Variants in CACNA1S observed in about 807,000 individuals in gnomAD.
CACNA1S encodes voltage-dependent L-type calcium channel subunit alpha-1S.
In CACNA1S, 126 loss-of-function variants were observed where a neutral mutation model predicts 207.4. That is an observed-to-expected ratio of 0.61 (90% confidence interval 0.53 to 0.70). The LOEUF (loss-of-function observed/expected upper bound fraction) is 0.70, where lower values mean the gene tolerates loss of function less well. Among genes scored for constraint, CACNA1S ranks in the 30% least tolerant of loss-of-function variants. CACNA1S has a pLI of 0.00. For missense variants in CACNA1S, 2,349 were observed against 2,422.8 expected (o/e 0.97, Z 0.64); for synonymous variants, 960 against 932.7 (o/e 1.03, Z -0.53).
rs371992281 is a variant in CACNA1S at position 201,073,316 on chromosome 1, C to T, written c.2157+233G>A. On this transcript the variant is annotated intron_variant, in intron 15 of 43. Coordinates refer to ENST00000362061, the MANE Select transcript of CACNA1S (RefSeq NM_000069.3). The stretch of plus-strand genomic sequence containing the variant: ...CTTGGTCTGGAGTGGGAAGCTGCTA[C>T]GCTGGAGAAGTCTGGTTCCCAGATT... 3.5e-3 allele frequency among the ~76,000 whole-genome samples: 517 copies of T among 147,730 alleles called. 1 individual carries two copies. Among genetic ancestry groups the T allele is most frequent in the African/African-American group, 0.012 (485 of 40,704 alleles).
chr1:201,106,136 A>G (rs951716938), intron 2 of CACNA1S, among the ~76,000 whole-genome samples: 1 of 150,958 alleles, frequency 6.6e-6, no homozygotes, highest in Non-Finnish European at 1.5e-5. Flanking sequence ...CTGACCCCCA[A>G]GTGTCATCCT....
In CACNA1S at chr1:201,087,840, C is replaced by T. The variant is rs779649609; in HGVS notation, c.990G>A (p.Leu330=). ...LGSFFILNLV[L]GVLSGEFTKE... ...GAATTTCTTACCCACTCAGGACACC[C>T]AGCACCAGGTTGAGGATGAAGAAGG... The change falls in exon 7 of 44, where the codon CTG becomes CTA. Residue 330 remains leucine (L), a synonymous_variant. Coordinates refer to ENST00000362061, the MANE Select transcript of CACNA1S (RefSeq NM_000069.3). 1 of 1,612,666 alleles carries T rather than the reference C, an allele frequency of 6.2e-7. No homozygotes were observed. The highest frequency in any genetic ancestry group is 8.5e-7 in the Non-Finnish European group (1 of 1,178,734).
At chr1:201,067,027 A>G (rs1661272961) in intron 19 of CACNA1S, 34 bp from the exon 20 acceptor site, 1 of 1,443,112 alleles carries the variant, frequency 6.9e-7, no homozygotes, top group Non-Finnish European at 9.7e-7. Flanking sequence ...TGGATGGAGG[A>G]GCTTGGAGAA....
intron 37 of CACNA1S, 56 bp from the exon 38 acceptor site, chr1:201,047,295 T>C: frequency 6.2e-7 from 1 of 1,612,224 alleles, no homozygotes; most frequent in Non-Finnish European, 8.5e-7. Flanking sequence ...TGACACTGGA[T>C]TCAGAGTGGG....
intron 2 of CACNA1S, among the ~76,000 whole-genome samples, chr1:201,094,614 T>A (rs541544209): frequency 2.0e-5 from 3 of 152,262 alleles, no homozygotes; most frequent in African/African-American, 7.2e-5. Context: ...GAACTCCAGA[T>A]GCCTTCCCTT....
intron 36 of CACNA1S, among the ~76,000 whole-genome samples, chr1:201,048,347 A>T (rs1409735021): frequency 6.6e-6 from 1 of 152,164 alleles, no homozygotes; most frequent in Non-Finnish European, 1.5e-5. Context: ...TGGCCCCCAG[A>T]CACAGCTGAG....
Position 201,066,353 on chromosome 1 carries a change from C to G in CACNA1S, c.2658-37G>C, listed in dbSNP as rs1055575387. On this transcript the variant is annotated intron_variant, in intron 20 of 43. Coordinates refer to ENST00000362061, the MANE Select transcript of CACNA1S (RefSeq NM_000069.3). The surrounding 1 kb of genome is among the most constrained non-coding windows in gnomAD (Gnocchi z 4.3). ...CAATGGTGAGGGGGCTGAGGGCAGC[C>G]TGCTCCAGCCAGCCCAGTCTGCGGT... 6.4e-7 allele frequency: 1 copy of G among 1,566,448 alleles called. No individual in the cohort carries two copies. Among genetic ancestry groups the G allele is most frequent in the East Asian group, 2.2e-5 (1 of 44,684 alleles).
In CACNA1S at chr1:201,112,375, C is replaced by A. The variant is rs751716331; in HGVS notation, c.-36G>T. ...GGAATCTGGCTTTCTCCTGCTCCCCCACCCCAGTGCTTTCCCTTCCCTGTG... is the reference window on the plus strand; with the variant it reads ...GGAATCTGGCTTTCTCCTGCTCCCCAACCCCAGTGCTTTCCCTTCCCTGTG... On this transcript the variant is annotated 5_prime_UTR_variant, in exon 1 of 44. Coordinates refer to ENST00000362061, the MANE Select transcript of CACNA1S (RefSeq NM_000069.3). The A allele has an allele frequency of 1.2e-6, 2 of 1,613,448 alleles. No individual in the cohort carries two copies. The highest frequency in any genetic ancestry group is 2.2e-5 in the East Asian group (1 of 44,854).
rs749688969 is a variant in CACNA1S at position 201,083,271 on chromosome 1, G to A, written c.1284C>T (p.Ile428=). 7.4e-6 allele frequency: 12 copies of A among 1,614,086 alleles called. No homozygotes were observed. Among genetic ancestry groups the A allele is most frequent in the African/African-American group, 1.3e-5 (1 of 74,936 alleles). The change falls in exon 10 of 44, where the codon ATC becomes ATT. Residue 428 remains isoleucine (I), a synonymous_variant. Transcript: ENST00000362061. ...GCCAATAGAAGACCTTGGACTTCAC[G>A]ATGTCATGGCACTTCCAGCGAAAGA... ...NRIFRWKCHD[I]VKSKVFYWLV... is the part of the protein sequence containing the mutation.
chr1:201,067,986 T>C (rs564544901), intron 19 of CACNA1S, among the ~76,000 whole-genome samples: 58 of 152,216 alleles, frequency 3.8e-4, no homozygotes, highest in African/African-American at 1.0e-3. Flanking sequence ...TATAGATGGG[T>C]TCTCCTTCTG....
chr1:201,093,122 G>C (rs963570638), intron 3 of CACNA1S, among the ~76,000 whole-genome samples: 1 of 152,180 alleles, frequency 6.6e-6, no homozygotes, highest in African/African-American at 2.4e-5. Context: ...TAATGCTATG[G>C]GTAGAGATAT....
chr1:201,101,462 T>C (rs1246520228), intron 2 of CACNA1S, among the ~76,000 whole-genome samples: 1 of 152,212 alleles, frequency 6.6e-6, no homozygotes, highest in East Asian at 1.9e-4. Context: ...AGAGCTAGGA[T>C]GGAACAAAAG....
chr1:201,066,325 C>T lies in CACNA1S; in HGVS notation c.2658-9G>A, dbSNP rs367580345. Reference sequence around the variant, plus strand: ...CGGAGATGGCACTGGACCTGGGGGGCGGCAATGGTGAGGGGGCTGAGGGCA... The same window carrying T: ...CGGAGATGGCACTGGACCTGGGGGGTGGCAATGGTGAGGGGGCTGAGGGCA... On this transcript the variant is annotated splice_polypyrimidine_tract_variant and intron_variant, in intron 20 of 43. Transcript: ENST00000362061. This position sits in a 1 kb window ranked among gnomAD's most constrained non-coding sequence, Gnocchi z 4.3. 3.6e-5 allele frequency: 58 copies of T among 1,608,090 alleles called. No individual in the cohort carries two copies. The African/African-American group carries it at 3.7e-4, about 10-fold the overall frequency.
At chr1:201,072,149 G>T (rs915818931) in intron 16 of CACNA1S, among the ~76,000 whole-genome samples, 1 of 152,146 alleles carries the variant, frequency 6.6e-6, no homozygotes, top group African/African-American at 2.4e-5. Flanking sequence ...GCCTGGTTCT[G>T]CTTGTCCTCT....
chr1:201,107,072 T>C (rs1412177115), intron 2 of CACNA1S, among the ~76,000 whole-genome samples: 1 of 152,232 alleles, frequency 6.6e-6, no homozygotes, highest in Non-Finnish European at 1.5e-5. Flanking sequence ...GGCAGGGAGA[T>C]GGCAGAAGTC....
chr1:201,074,212 G>T (rs546883967), intron 14 of CACNA1S, among the ~76,000 whole-genome samples: 1 of 152,354 alleles, frequency 6.6e-6, no homozygotes, highest in Non-Finnish European at 1.5e-5. Context: ...GGTTGGGAGG[G>T]GAATTCCCAG....
chr1:201,108,893 G>A (rs1327412925), intron 2 of CACNA1S, among the ~76,000 whole-genome samples: 1 of 152,156 alleles, frequency 6.6e-6, no homozygotes, highest in Admixed American at 6.5e-5. Flanking sequence ...CTGTTTATAA[G>A]AGGGCTTCCC....
intron 6 of CACNA1S, 38 bp downstream of exon 6, chr1:201,089,220 G>A (rs1662136030): frequency 3.8e-6 from 6 of 1,594,054 alleles, no homozygotes; most frequent in Non-Finnish European, 5.2e-6. Flanking sequence ...GCCTGTGGAT[G>A]AAGGGAGATG....
chr1:201,096,137 G>A lies in CACNA1S; in HGVS notation c.259-2116C>T, dbSNP rs542962204. ...CACCTGCCACTGCCTGTCTGGCTGC[G>A]GCCTGGCTCAGAGAGAGCTTGTCAG... On this transcript the variant is annotated intron_variant, in intron 2 of 43. Coordinates refer to ENST00000362061, the MANE Select transcript of CACNA1S (RefSeq NM_000069.3). Among the ~76,000 whole-genome samples the A allele has an allele frequency of 2.3e-3, 344 of 152,292 alleles. 2 individuals carry two copies. The highest frequency in any genetic ancestry group is 7.9e-3 in the African/African-American group (329 of 41,552).
Sources: allele counts gnomAD v4.1 joint callset (sites outside exome capture counted in the v4.1 genomes callset), GRCh38; gene constraint gnomAD v4.1.1; non-coding constraint Gnocchi (gnomAD v3.1); transcripts MANE v1.5; gene names NCBI Gene and HGNC (gene_info 2026-07-23, HGNC 2026-07-21).